Variants in TOP3A observed in about 807,000 individuals in gnomAD.
The protein encoded by TOP3A is DNA topoisomerase 3-alpha.
A neutral mutation model predicts 111.3 loss-of-function variants in TOP3A; 64 were observed. The observed-to-expected ratio is 0.57, with a 90% CI of 0.47 to 0.71. TOP3A has a LOEUF of 0.71. TOP3A is among the 30% of genes least tolerant of loss of function. TOP3A has a pLI of 0.00. For missense variants in TOP3A, 1,104 were observed against 1,285.0 expected (o/e 0.86, Z 2.15); for synonymous variants, 484 against 485.1 (o/e 1.00, Z 0.03).
chr17:18,305,492 G>GCGCGCA (rs1191024689), intron 4 of TOP3A, among the ~76,000 whole-genome samples: 6 of 121,380 alleles, frequency 4.9e-5, no homozygotes, highest in African/African-American at 1.9e-4. Flanking sequence ...ACACACGCGC[G>GCGCGCA]CGCGCGCGCG....
In TOP3A at chr17:18,294,795, G is replaced by C; in HGVS notation, c.991-10C>G. The C allele has an allele frequency of 6.3e-7, 1 of 1,599,796 alleles. No individual in the cohort carries two copies. The highest frequency in any genetic ancestry group is 8.6e-7 in the Non-Finnish European group (1 of 1,167,084). Reference sequence around the variant, plus strand: ...CCAGCTTCTCAAGCTCCTGTGAAATGGGTCAACAGGCATGTTAGGTGTACT... The same window carrying C: ...CCAGCTTCTCAAGCTCCTGTGAAATCGGTCAACAGGCATGTTAGGTGTACT... On this transcript the variant is annotated splice_polypyrimidine_tract_variant and intron_variant, in intron 9 of 18. Coordinates refer to ENST00000321105, the MANE Select transcript of TOP3A (RefSeq NM_004618.5).
chr17:18,278,122 C>A lies in TOP3A; in HGVS notation c.2380G>T (p.Ala794Ser). 1.2e-6 allele frequency: 2 copies of A among 1,614,190 alleles called. No individual in the cohort carries two copies. Among genetic ancestry groups the A allele is most frequent in the Non-Finnish European group, 1.7e-6 (2 of 1,180,036 alleles). Residue 794 changes from alanine to serine, a missense_variant, in exon 18 of 19, where the codon GCT (alanine) becomes TCT (serine). By Grantham distance (99) the Ala-to-Ser change is moderately conservative (BLOSUM62 1). Coordinates refer to ENST00000321105, the MANE Select transcript of TOP3A (RefSeq NM_004618.5). ...GGTGGTGGGAGGGTCTGGGCCAGAG[C>A]CTTTGAGGACCCAGTCTGTCTGCTG... is the stretch of plus-strand genomic sequence containing the variant. ...ADSRQTGSSK[A>S]LAQTLPPPTA...
intron 5 of TOP3A, 116 bp downstream of exon 5, chr17:18,304,996 G>A (rs1981464096): frequency 1.2e-6 from 1 of 814,198 alleles, no homozygotes. Flanking sequence ...CTCACAGACT[G>A]GGAGGGAGAG....
At position 18,289,076 on chromosome 17, in the gene TOP3A, G is replaced by A. The variant is rs747741861; in HGVS notation, c.1597+1481C>T. On this transcript the variant is annotated intron_variant, in intron 13 of 18. Transcript: ENST00000321105. ...CACCCAGGCTGGAGTGCAGTGCTGC[G>A]ATCCTGGCTCACTGCATCCTCCACC... Among the ~76,000 whole-genome samples the A allele has an allele frequency of 2.6e-5, 4 of 151,840 alleles. No individual in the cohort carries two copies. In the South Asian group the frequency reaches 8.3e-4, roughly 32 times the overall value.
Position 18,292,668 on chromosome 17 carries a change from T to C in TOP3A, c.1258A>G (p.Thr420Ala), listed in dbSNP as rs1422463338. 14 of 1,579,474 alleles carry C rather than the reference T, an allele frequency of 8.9e-6. No homozygotes were observed. The South Asian group carries it at 1.4e-4, about 15-fold the overall frequency. The change falls in exon 11 of 19, where the codon ACC becomes GCC. Residue 420 changes from threonine (T) to alanine (A), a missense_variant. Physicochemically the swap from Thr to Ala is moderately conservative, Grantham distance 58 (BLOSUM62 0). Transcript: ENST00000321105. ...SDQAHPPIHP[T>A]KYTNNLQGDE... Reference sequence around the variant, plus strand: ...ACCTGTAAGTTGTTGGTGTATTTGGTGGGGTGAATGGGAGGGTGAGCTTGG... The same window carrying C: ...ACCTGTAAGTTGTTGGTGTATTTGGCGGGGTGAATGGGAGGGTGAGCTTGG...
chr17:18,292,116 C>T lies in TOP3A; in HGVS notation c.1281+529G>A, dbSNP rs567267142. Among the ~76,000 whole-genome samples, 17 of 152,314 alleles carry T rather than the reference C, an allele frequency of 1.1e-4. 1 individual carries two copies. In the South Asian group the frequency reaches 2.3e-3, roughly 20 times the overall value. On this transcript the variant is annotated intron_variant, in intron 11 of 18. Transcript: ENST00000321105. ...TGAGAAGCCTACAGATGTAAACAAGCATTTCCCCAACTTTGTGAGAAGCCT... is the reference window on the plus strand; with the variant it reads ...TGAGAAGCCTACAGATGTAAACAAGTATTTCCCCAACTTTGTGAGAAGCCT...
At position 18,271,913 on chromosome 17, in the gene TOP3A, C is replaced by T; in HGVS notation, c.*2889G>A. The T allele has an allele frequency of 3.1e-6, 1 of 320,858 alleles. No individual in the cohort carries two copies. The allele number at this position is 320,858 out of a possible 1,614,324, so 19.9% of individuals were successfully genotyped here. ...CCCCGTCTTTACTAAAAATACTAAA[C>T]AAATTAGCTGGGTGTGGAGGCAGAT... is the stretch of plus-strand genomic sequence containing the variant. On this transcript the variant is annotated 3_prime_UTR_variant, in exon 19 of 19. Transcript: ENST00000321105.
chr17:18,309,570 G>A (rs1184745545), intron 1 of TOP3A, among the ~76,000 whole-genome samples: 1 of 151,898 alleles, frequency 6.6e-6, no homozygotes, highest in Non-Finnish European at 1.5e-5. Context: ...CTTGAGCCCA[G>A]GAGGTGGACG....
intron 16 of TOP3A, among the ~76,000 whole-genome samples, chr17:18,282,027 AC>A (rs1979791223): frequency 6.6e-6 from 1 of 151,950 alleles, no homozygotes; most frequent in Admixed American, 6.6e-5. Flanking sequence ...GATGGCTGCC[AC>A]CCCTCCACCT....
rs1271673713 is a variant in TOP3A at position 18,271,840 on chromosome 17, A to G, written c.*2962T>C. The G allele has an allele frequency of 1.4e-5, 6 of 423,856 alleles. No individual in the cohort carries two copies. The highest frequency in any genetic ancestry group is 5.0e-5 in the South Asian group (3 of 60,132). The allele number at this position is 423,856 out of a possible 1,614,324, so 26.3% of individuals were successfully genotyped here. On this transcript the variant is annotated 3_prime_UTR_variant, in exon 19 of 19. Transcript: ENST00000321105. ...CACTTTGGGAGGCCGAGGCTGGTAG[A>G]TCACCTGAGGTCACGAGTTTGAGAC...
chr17:18,304,320 T>C (rs772092110), intron 5 of TOP3A, among the ~76,000 whole-genome samples: 3 of 152,110 alleles, frequency 2.0e-5, no homozygotes, highest in Non-Finnish European at 4.4e-5. Flanking sequence ...AAAAGAAAAA[T>C]ATTGTCAATT....
intron 10 of TOP3A, 47 bp from the exon 11 acceptor site, chr17:18,292,899 G>C: frequency 6.4e-7 from 1 of 1,555,940 alleles, no homozygotes; most frequent in Non-Finnish European, 8.8e-7. Context: ...TAGGCTCTCT[G>C]ATTGGTCTAT....
intron 11 of TOP3A, 75 bp from the exon 12 acceptor site, chr17:18,291,102 T>C (rs1980451248): frequency 6.8e-7 from 1 of 1,474,306 alleles, no homozygotes; most frequent in African/African-American, 1.4e-5. Flanking sequence ...CTGGTAGCCT[T>C]AGCCTAATGT....
intron 9 of TOP3A, 54 bp downstream of exon 9, chr17:18,299,505 C>T (rs1314034043): frequency 6.5e-7 from 1 of 1,535,450 alleles, no homozygotes; most frequent in South Asian, 1.1e-5. Context: ...AGAACCACAG[C>T]CTCAAAACAG....
Position 18,285,441 on chromosome 17 carries a change from G to A in TOP3A, c.1677C>T (p.Phe559=), listed in dbSNP as rs1486837014. Residue 559 remains phenylalanine, a synonymous_variant, in exon 14 of 19, where the codon TTC becomes TTT. Transcript: ENST00000321105. ...GTCCCATGCCCAGGTGCCCAGGGAG[G>A]AACCGCTTGTCTGGGGTGAGGCCCA... is the stretch of plus-strand genomic sequence containing the variant. ...MYVGLTPDKR[F]LPGHLGMGLV... The A allele has an allele frequency of 6.2e-7, 1 of 1,614,072 alleles. No homozygotes were observed. The highest frequency in any genetic ancestry group is 1.7e-5 in the Admixed American group (1 of 60,006).
At chr17:18,283,747 T>C (rs977470566) in intron 15 of TOP3A, among the ~76,000 whole-genome samples, 6 of 152,200 alleles carry the variant, frequency 3.9e-5, no homozygotes, top group Non-Finnish European at 7.3e-5. Context: ...TCTGACTGAC[T>C]GGCTATAAAC....
chr17:18,306,691 C>T, intron 4 of TOP3A, 200 bp downstream of exon 4: 5 of 460,864 alleles, frequency 1.1e-5, no homozygotes, highest in South Asian at 7.2e-5. Flanking sequence ...TAAACAACTA[C>T]CATTCATAAA....
intron 11 of TOP3A, among the ~76,000 whole-genome samples, chr17:18,291,783 C>T (rs191903044): frequency 2.6e-5 from 4 of 152,006 alleles, no homozygotes; most frequent in South Asian, 2.1e-4. Flanking sequence ...GGTGCAATCT[C>T]GGCTTATTGC....
intron 13 of TOP3A, among the ~76,000 whole-genome samples, chr17:18,288,298 G>A (rs1396778333): frequency 6.6e-6 from 1 of 150,782 alleles, no homozygotes; most frequent in Non-Finnish European, 1.5e-5. Context: ...GATTACAGGC[G>A]TCAGCCATAA....
Sources: allele counts gnomAD v4.1 joint callset (sites outside exome capture counted in the v4.1 genomes callset), GRCh38; gene constraint gnomAD v4.1.1; transcripts MANE v1.5; gene names NCBI Gene and HGNC (gene_info 2026-07-23, HGNC 2026-07-21).